The following NEURL1 variants were observed in gnomAD, a reference collection of about 807,000 sequenced individuals.
NEURL1 encodes E3 ubiquitin-protein ligase NEURL1.
Under a neutral mutation model 41.2 loss-of-function variants are expected in NEURL1, and 26 were observed. The observed-to-expected ratio is 0.63, with a 90% CI of 0.46 to 0.87. The LOEUF is 0.87. Among genes scored for constraint, NEURL1 ranks in the 40% least tolerant of loss-of-function variants. The pLI is 0.00. For missense variants in NEURL1, 761 were observed against 871.1 expected (o/e 0.87, Z 1.59); for synonymous variants, 400 against 402.3 (o/e 0.99, Z 0.07).
At chr10:103,541,919 C>G (rs1389076733) in intron 1 of NEURL1, among the ~76,000 whole-genome samples, 1 of 152,162 alleles carries the variant, frequency 6.6e-6, no homozygotes, top group Non-Finnish European at 1.5e-5. Flanking sequence ...TCCTTCTAGA[C>G]CAGTAGTGAC....
chr10:103,561,181 C>T (rs1234706427), intron 1 of NEURL1, among the ~76,000 whole-genome samples: 1 of 152,114 alleles, frequency 6.6e-6, no homozygotes, highest in Non-Finnish European at 1.5e-5. Flanking sequence ...TCAGGAGAGG[C>T]AAGAGAGTAA....
chr10:103,555,522 C>G, intron 1 of NEURL1: 1 of 988,588 alleles, frequency 1.0e-6, no homozygotes, highest in South Asian at 1.5e-5. Flanking sequence ...CCCTACTTCT[C>G]ACTCCATGGA....
At chr10:103,582,295 C>T (rs567727567) in intron 3 of NEURL1, among the ~76,000 whole-genome samples, 1 of 152,310 alleles carries the variant, frequency 6.6e-6, no homozygotes, top group South Asian at 2.1e-4. Flanking sequence ...CAGGTCAGCC[C>T]ACTGGCTTTC....
chr10:103,539,610 T>C (rs2034774363), intron 1 of NEURL1, among the ~76,000 whole-genome samples: 1 of 152,188 alleles, frequency 6.6e-6, no homozygotes, highest in East Asian at 1.9e-4. Context: ...GGGAAGACAC[T>C]CCCAGCTTTG....
At chr10:103,561,936 C>T (rs1167659210) in intron 1 of NEURL1, among the ~76,000 whole-genome samples, 1 of 152,198 alleles carries the variant, frequency 6.6e-6, no homozygotes, top group East Asian at 1.9e-4. Flanking sequence ...ATTTCTCCAC[C>T]GGACACCAGA....
chr10:103,589,893 CCTT>C, intron 5 of NEURL1, among the ~76,000 whole-genome samples: 1 of 152,200 alleles, frequency 6.6e-6, no homozygotes, highest in Non-Finnish European at 1.5e-5. Context: ...CTCCATCTTG[CCTT>C]CTTTTCTCTC....
intron 1 of NEURL1, among the ~76,000 whole-genome samples, chr10:103,512,633 C>T (rs1450596652): frequency 6.6e-6 from 1 of 152,132 alleles, no homozygotes; most frequent in Non-Finnish European, 1.5e-5. Context: ...CCCATCTCTA[C>T]CAAACAAACA....
chr10:103,502,645 T>G (rs926106531), intron 1 of NEURL1, among the ~76,000 whole-genome samples: 1 of 152,104 alleles, frequency 6.6e-6, no homozygotes, highest in African/African-American at 2.4e-5. Flanking sequence ...TAAAATTCAG[T>G]CCATAGCAGA....
chr10:103,513,072 C>A, intron 1 of NEURL1, among the ~76,000 whole-genome samples: 1 of 152,250 alleles, frequency 6.6e-6, no homozygotes, highest in Middle Eastern at 3.4e-3. Flanking sequence ...TGACACCCCC[C>A]CAGGCCACCA....
chr10:103,519,297 A>G (rs1023098031), intron 1 of NEURL1, among the ~76,000 whole-genome samples: 3 of 152,168 alleles, frequency 2.0e-5, no homozygotes, highest in Non-Finnish European at 4.4e-5. Context: ...TAAAAAATGA[A>G]CTTTTATAGC....
chr10:103,573,478 TGTC>T (rs2035592066), intron 3 of NEURL1, among the ~76,000 whole-genome samples: 1 of 152,166 alleles, frequency 6.6e-6, no homozygotes, highest in African/African-American at 2.4e-5. Context: ...GGTCAGTGGC[TGTC>T]ATTTGTCCCC....
At chr10:103,564,643 G>A (rs1385543330) in intron 1 of NEURL1, among the ~76,000 whole-genome samples, 1 of 152,204 alleles carries the variant, frequency 6.6e-6, no homozygotes, top group East Asian at 1.9e-4. Flanking sequence ...CATAACTGCT[G>A]TGTGACCACA....
intron 1 of NEURL1, among the ~76,000 whole-genome samples, chr10:103,516,437 G>A (rs771055470): frequency 2.0e-5 from 3 of 151,090 alleles, no homozygotes; most frequent in African/African-American, 7.3e-5. Context: ...TTTTGGCCAG[G>A]GTGTGTCAGA....
In NEURL1 at chr10:103,543,157, C is replaced by T. The variant is rs561448587; in HGVS notation, c.86-27715C>T. Reference sequence around the variant, plus strand: ...CCAGGCACAAGGTTTTCCGCCCCTCCTCCCTGTAGTCCTGCAGTGGGGTGG... The same window carrying T: ...CCAGGCACAAGGTTTTCCGCCCCTCTTCCCTGTAGTCCTGCAGTGGGGTGG... On this transcript the variant is annotated intron_variant, in intron 1 of 5. Transcript: ENST00000369780. Among the ~76,000 whole-genome samples the T allele has an allele frequency of 3.3e-5, 5 of 152,302 alleles. No individual in the cohort carries two copies. In the East Asian group the frequency reaches 9.6e-4, roughly 29 times the overall value.
At chr10:103,527,821 A>T (rs1387183613) in intron 1 of NEURL1, among the ~76,000 whole-genome samples, 1 of 152,192 alleles carries the variant, frequency 6.6e-6, no homozygotes, top group Non-Finnish European at 1.5e-5. Flanking sequence ...TTGTAGAGGG[A>T]TGAATATCTA....
At chr10:103,559,267 T>C (rs1279706025) in intron 1 of NEURL1, among the ~76,000 whole-genome samples, 1 of 152,094 alleles carries the variant, frequency 6.6e-6, no homozygotes, top group African/African-American at 2.4e-5. Flanking sequence ...AGCTTGAAGG[T>C]GCACATCCCC....
At chr10:103,518,328 C>G (rs550318306) in intron 1 of NEURL1, among the ~76,000 whole-genome samples, 7 of 152,212 alleles carry the variant, frequency 4.6e-5, no homozygotes, top group African/African-American at 1.4e-4. Flanking sequence ...TTTCCTTCCC[C>G]CTCTTCCTCT....
Position 103,566,457 on chromosome 10 carries a change from A to G in NEURL1, c.86-4415A>G, listed in dbSNP as rs1192051854. Among the ~76,000 whole-genome samples, 2 of 152,164 alleles carry G rather than the reference A, an allele frequency of 1.3e-5. No individual in the cohort carries two copies. The highest frequency in any genetic ancestry group is 1.5e-5 in the Non-Finnish European group (1 of 68,014). ...CAAAATATCATACGGATGGAATCGT[A>G]CAGCATACAGCCCTTTGCATCTGGC... On this transcript the variant is annotated intron_variant, in intron 1 of 5. Coordinates refer to ENST00000369780, the MANE Select transcript of NEURL1 (RefSeq NM_004210.5). The surrounding 1 kb of genome is among the most constrained non-coding windows in gnomAD (Gnocchi z 4.2).
intron 3 of NEURL1, among the ~76,000 whole-genome samples, chr10:103,579,962 A>T (rs1312388218): frequency 6.6e-6 from 1 of 151,890 alleles, no homozygotes; most frequent in African/African-American, 2.4e-5. Context: ...TAATAATAAT[A>T]AAAAAAACAT....
Sources: gnomAD v4.1 joint callset for allele counts (sites outside exome capture counted in the v4.1 genomes callset) on GRCh38, gnomAD v4.1.1 for gene constraint, Gnocchi (gnomAD v3.1) non-coding constraint, MANE v1.5 for transcripts, NCBI Gene and HGNC (gene_info 2026-07-23, HGNC 2026-07-21) for gene names.